Variants in GLS2 observed in about 807,000 individuals in gnomAD.
The protein encoded by GLS2 is glutaminase 2.
A neutral mutation model predicts 79.0 loss-of-function variants in GLS2; 52 were observed. The ratio of observed to expected loss-of-function variants is 0.66; its 90% confidence interval spans 0.53 to 0.83. The LOEUF (loss-of-function observed/expected upper bound fraction) is 0.83, where lower values mean the gene tolerates loss of function less well. Ranked by LOEUF, GLS2 falls within the 40% of genes least tolerant of loss-of-function variation. The probability of loss-of-function intolerance (pLI) is 0.00; values close to 1 mark genes in which losing one functional copy is unlikely to be tolerated. For missense variants in GLS2, 561 were observed against 764.8 expected (o/e 0.73, Z 3.14); for synonymous variants, 238 against 280.8 (o/e 0.85, Z 1.52).
chr12:56,477,875 G>C, intron 6 of GLS2, 58 bp downstream of exon 6: 2 of 1,572,300 alleles, frequency 1.3e-6, no homozygotes, highest in Non-Finnish European at 1.7e-6. Context: ...GGGAGATGGG[G>C]TGGGGATAAG....
intron 11 of GLS2, 62 bp downstream of exon 11, chr12:56,474,784 G>T (rs1160879763): frequency 1.9e-6 from 3 of 1,613,228 alleles, no homozygotes; most frequent in Non-Finnish European, 2.5e-6. Context: ...TCGGGTGTAG[G>T]GAAAGGGCAA....
chr12:56,486,419 G>A (rs1870690338), intron 1 of GLS2, among the ~76,000 whole-genome samples: 1 of 152,204 alleles, frequency 6.6e-6, no homozygotes, highest in African/African-American at 2.4e-5. Context: ...TGAATACCTG[G>A]GGGGAAGTTG....
At chr12:56,474,960 C>G in intron 10 of GLS2, 64 bp from the exon 11 acceptor site, 1 of 1,613,708 alleles carries the variant, frequency 6.2e-7, no homozygotes, top group Non-Finnish European at 8.5e-7. Flanking sequence ...CTGTCAGGGT[C>G]TCAGCTGAAG....
At chr12:56,472,836 G>C in intron 14 of GLS2, 85 bp from the exon 15 acceptor site, 1 of 1,034,510 alleles carries the variant, frequency 9.7e-7, no homozygotes, top group Non-Finnish European at 1.5e-6. Context: ...TGGATGCTTA[G>C]TCCAAGGGTA....
At chr12:56,474,930 A>C (rs565267655) in intron 10 of GLS2, 34 bp from the exon 11 acceptor site, 1 of 1,614,032 alleles carries the variant, frequency 6.2e-7, no homozygotes, top group South Asian at 1.1e-5. Flanking sequence ...ATTTCTCTTC[A>C]GGACATCAGC....
chr12:56,475,579 CAT>C, intron 9 of GLS2, 43 bp downstream of exon 9: 1 of 1,587,204 alleles, frequency 6.3e-7, no homozygotes, highest in African/African-American at 1.3e-5. Context: ...AGTACACACA[CAT>C]ACACCACAAT....
intron 1 of GLS2, among the ~76,000 whole-genome samples, chr12:56,482,855 C>G (rs1451824325): frequency 6.6e-6 from 1 of 152,114 alleles, no homozygotes; most frequent in Non-Finnish European, 1.5e-5. Context: ...CCTCAGCCTC[C>G]CAGAGTGCTG....
Position 56,473,474 on chromosome 12 carries a change from T to C in GLS2, c.1345A>G (p.Ser449Gly), listed in dbSNP as rs747398978. The change falls in exon 13 of 18, where the codon AGC becomes GGC. Residue 449 changes from serine (S) to glycine (G), a missense_variant. This residue lies in a region of GLS2 where 136 missense variants were observed against 228.6 expected (regional missense o/e 0.59). Transcript: ENST00000311966. ...DKLGNSHRGT[S>G]FCQKLVSLFN... is the part of the protein sequence containing the mutation. ...GCAAAGCATCTCACCTGGCAGAAGC[T>C]GGTCCCCCTATGGCTGTTCCCCAGC... is the stretch of plus-strand genomic sequence containing the variant. 1 of 1,611,822 alleles carries C rather than the reference T, an allele frequency of 6.2e-7. No individual in the cohort carries two copies. Among genetic ancestry groups the C allele is most frequent in the Non-Finnish European group, 8.5e-7 (1 of 1,178,670 alleles).
chr12:56,485,503 G>A (rs1202660882), intron 1 of GLS2, among the ~76,000 whole-genome samples: 2 of 151,772 alleles, frequency 1.3e-5, no homozygotes, highest in African/African-American at 4.8e-5. Context: ...GAGCTCAAGT[G>A]ATCCCCCTGC....
chr12:56,471,592 C>T lies in GLS2; in HGVS notation c.1704G>A (p.Val568=). 1 of 1,614,098 alleles carries T rather than the reference C, an allele frequency of 6.2e-7. No homozygotes were observed. The highest frequency in any genetic ancestry group is 8.5e-7 in the Non-Finnish European group (1 of 1,180,020). Residue 568 remains valine (V), a synonymous_variant, in exon 18 of 18, where the codon GTG becomes GTA. Transcript: ENST00000311966. ...DDAVQFNHLE[V]VKLLQDYQDS... ...CCTGGTAATCTTGAAGCAGTTTGAC[C>T]ACCTCCAGATGGTTGAACTGCACAG... is the stretch of plus-strand genomic sequence containing the variant.
chr12:56,473,132 G>A (rs1237405383), intron 14 of GLS2, 96 bp downstream of exon 14: 41 of 1,094,018 alleles, frequency 3.7e-5, no homozygotes, highest in African/African-American at 3.1e-4. Flanking sequence ...CTTGTGATCC[G>A]CCCGCCTTGG....
chr12:56,476,061 G>C (rs374503979), intron 7 of GLS2, 84 bp from the exon 8 acceptor site: 7 of 1,346,210 alleles, frequency 5.2e-6, no homozygotes, highest in Non-Finnish European at 7.4e-6. Flanking sequence ...TGGAGTTCTA[G>C]TGTTAGTCTG....
chr12:56,476,205 C>G (rs930470791), intron 7 of GLS2: 3 of 337,410 alleles, frequency 8.9e-6, no homozygotes, highest in Admixed American at 9.0e-5. Context: ...CCTTGTCACC[C>G]AGGCTGGAGT....
In GLS2 at chr12:56,475,307, C is replaced by T. The variant is rs1470599416; in HGVS notation, c.930-197G>A. On this transcript the variant is annotated intron_variant, in intron 9 of 17. Coordinates refer to ENST00000311966, the MANE Select transcript of GLS2 (RefSeq NM_013267.4). ...CAGCATAGTTTTGTTATAAAGTAAA[C>T]CCAAACCAAACACCCCAAACTGTCT... 2.1e-6 allele frequency: 3 copies of T among 1,401,900 alleles called. No homozygotes were observed. The African/African-American group carries it at 4.3e-5, about 20-fold the overall frequency. The allele number at this position is 1,401,900 out of a possible 1,614,324, so 86.8% of individuals were successfully genotyped here. A position where few individuals can be genotyped will look rare whatever the true frequency, so the allele number is the denominator to read the frequency against.
chr12:56,474,280 G>C (rs1869588966), intron 12 of GLS2: 1 of 438,012 alleles, frequency 2.3e-6, no homozygotes, highest in Non-Finnish European at 4.2e-6. Flanking sequence ...GTAGAGATGG[G>C]GTTTCACCAT....
chr12:56,485,933 T>C (rs1220626718), intron 1 of GLS2, among the ~76,000 whole-genome samples: 1 of 136,070 alleles, frequency 7.3e-6, no homozygotes, highest in Non-Finnish European at 1.5e-5. Context: ...TCCCAGCTAC[T>C]CAGGAAGCTG....
In GLS2 at chr12:56,471,355, G is replaced by C. The variant is rs1592270792; in HGVS notation, c.*132C>G. On this transcript the variant is annotated 3_prime_UTR_variant, in exon 18 of 18. Coordinates refer to ENST00000311966, the MANE Select transcript of GLS2 (RefSeq NM_013267.4). Reference sequence around the variant, plus strand: ...ATTTTGACTCCCATAGAAAGCACTAGCCTAAGTCACCAAATGACTGCTTGG... The same window carrying C: ...ATTTTGACTCCCATAGAAAGCACTACCCTAAGTCACCAAATGACTGCTTGG... The C allele has an allele frequency of 1.0e-6, 1 of 980,420 alleles. No homozygotes were observed. The highest frequency in any genetic ancestry group is 2.6e-5 in the East Asian group (1 of 38,616). 60.7% of individuals were successfully genotyped at this position (980,420 alleles called of 1,614,324 possible). A position where few individuals can be genotyped will look rare whatever the true frequency, so the allele number is the denominator to read the frequency against.
Position 56,473,498 on chromosome 12 carries a change from G to C in GLS2, c.1321C>G (p.Leu441Val), listed in dbSNP as rs749286290. 6.2e-7 allele frequency: 1 copy of C among 1,613,936 alleles called. No individual in the cohort carries two copies. Among genetic ancestry groups the C allele is most frequent in the Admixed American group, 1.7e-5 (1 of 60,014 alleles). ...CTGGTCCCCCTATGGCTGTTCCCCAGCTTGTCCAATGGGGGTGACAGGCAC... is the reference window on the plus strand; with the variant it reads ...CTGGTCCCCCTATGGCTGTTCCCCACCTTGTCCAATGGGGGTGACAGGCAC... ...MMCLSPPLDK[L>V]GNSHRGTSFC... is the part of the protein sequence containing the mutation. The change falls in exon 13 of 18, where the codon CTG (leucine) becomes GTG (valine). Residue 441 changes from leucine (L) to valine (V), a missense_variant. Transcript: ENST00000311966.
At chr12:56,472,343 A>G (rs374624577) in intron 15 of GLS2, 148 bp from the exon 16 acceptor site, 6 of 679,438 alleles carry the variant, frequency 8.8e-6, no homozygotes, top group East Asian at 5.3e-5. Flanking sequence ...TCTTTTTTCC[A>G]TATCCAGATG....
Sources: allele counts gnomAD v4.1 joint callset (sites outside exome capture counted in the v4.1 genomes callset), GRCh38; gene constraint gnomAD v4.1.1; regional missense constraint gnomAD v4.1.1; transcripts MANE v1.5; gene names NCBI Gene and HGNC (gene_info 2026-07-23, HGNC 2026-07-21).